Variants in TENM2 observed in about 807,000 individuals in gnomAD.
TENM2 encodes teneurin transmembrane protein 2.
Under a neutral mutation model 245.2 loss-of-function variants are expected in TENM2, and 52 were observed. The observed-to-expected ratio is 0.21, with a 90% CI of 0.17 to 0.27. The LOEUF is 0.27. Ranked by LOEUF, TENM2 falls within the 10% of genes least tolerant of loss-of-function variation. TENM2 has a pLI of 1.00. For missense variants in TENM2, 3,046 were observed against 3,666.8 expected, an observed-to-expected ratio of 0.83 and a Z score of 4.37; for synonymous variants, 1,363 against 1,438.9, an observed-to-expected ratio of 0.95 and a Z score of 1.19.
chr5:167,094,152 A>G, the TENM2 span, among the ~76,000 whole-genome samples: 1 of 152,190 alleles, frequency 6.6e-6, no homozygotes, highest in African/African-American at 2.4e-5. Context: ...CTATGTGGAG[A>G]CTTTTATTTT....
intron 2 of TENM2, among the ~76,000 whole-genome samples, chr5:167,867,844 G>C (rs960994416): frequency 6.6e-6 from 1 of 152,138 alleles, no homozygotes; most frequent in Non-Finnish European, 1.5e-5. Context: ...CTGGGGAAAA[G>C]CATGCTGAAA....
At chr5:168,196,449 T>C (rs1761434866) in intron 15 of TENM2, among the ~76,000 whole-genome samples, 1 of 152,052 alleles carries the variant, frequency 6.6e-6, no homozygotes, top group Non-Finnish European at 1.5e-5. Context: ...TAGAAGCCGG[T>C]GGGGTTTTTT....
chr5:167,434,986 T>A (rs1285324215), intron 2 of TENM2, among the ~76,000 whole-genome samples: 1 of 152,208 alleles, frequency 6.6e-6, no homozygotes, highest in African/African-American at 2.4e-5. Flanking sequence ...ATAGAACCAC[T>A]TGACTGGAGA....
At chr5:167,521,480 T>A (rs963074793) in intron 2 of TENM2, among the ~76,000 whole-genome samples, 4 of 152,204 alleles carry the variant, frequency 2.6e-5, no homozygotes, top group Non-Finnish European at 5.9e-5. Flanking sequence ...CCAGGAACAC[T>A]GCAGAAACAT....
intron 17 of TENM2, among the ~76,000 whole-genome samples, chr5:168,202,658 C>A (rs1762027323): frequency 6.6e-6 from 1 of 151,718 alleles, no homozygotes; most frequent in Admixed American, 6.6e-5. Context: ...TGGGGCTGGT[C>A]ATTTGGCCTT....
At chr5:168,120,753 G>A (rs1381028758) in intron 10 of TENM2, among the ~76,000 whole-genome samples, 2 of 152,208 alleles carry the variant, frequency 1.3e-5, no homozygotes, top group Non-Finnish European at 2.9e-5. Context: ...GTCTGGATCA[G>A]CACTTTTTCT....
chr5:167,599,011 T>G (rs1460107692), intron 2 of TENM2, among the ~76,000 whole-genome samples: 1 of 152,158 alleles, frequency 6.6e-6, no homozygotes, highest in Non-Finnish European at 1.5e-5. Flanking sequence ...GAAATTTTTT[T>G]AGGCATTCTT....
intron 13 of TENM2, chr5:168,187,795 T>C (rs1376711911): frequency 6.6e-6 from 1 of 152,128 alleles, no homozygotes; most frequent in Admixed American, 6.6e-5. Flanking sequence ...TAAGATACAA[T>C]CTCCAGTGCT....
chr5:167,107,250 G>A, the TENM2 span, among the ~76,000 whole-genome samples: 9 of 151,302 alleles, frequency 5.9e-5, no homozygotes, highest in Non-Finnish European at 1.0e-4. Flanking sequence ...CAACAAGAGC[G>A]AAACTTCGTG....
intron 2 of TENM2, among the ~76,000 whole-genome samples, chr5:167,812,365 G>A (rs1766705579): frequency 6.6e-6 from 1 of 152,284 alleles, no homozygotes. Context: ...GTGCAAGTTT[G>A]CCTCGTAGAC....
intron 19 of TENM2, among the ~76,000 whole-genome samples, chr5:168,207,750 C>T (rs1437936001): frequency 6.6e-6 from 1 of 152,182 alleles, no homozygotes; most frequent in South Asian, 2.1e-4. Flanking sequence ...TCTCGCTTAC[C>T]CACCCCGGAG....
At chr5:167,138,293 A>G in the TENM2 span, among the ~76,000 whole-genome samples, 18 of 152,238 alleles carry the variant, frequency 1.2e-4, no homozygotes, top group African/African-American at 4.1e-4. Context: ...GTTAAAGTGT[A>G]ATAAGAAGAT....
intron 2 of TENM2, among the ~76,000 whole-genome samples, chr5:167,455,508 A>G (rs1421183157): frequency 1.4e-5 from 2 of 139,768 alleles, no homozygotes; most frequent in Non-Finnish European, 3.1e-5. Flanking sequence ...AAAACATTTC[A>G]TTATCCATCT....
chr5:167,820,718 T>C (rs1366028926), intron 2 of TENM2, among the ~76,000 whole-genome samples: 1 of 152,190 alleles, frequency 6.6e-6, no homozygotes, highest in Non-Finnish European at 1.5e-5. Flanking sequence ...GACTGGCCCC[T>C]CAAACATAGT....
At position 168,218,613 on chromosome 5, in the gene TENM2, G is replaced by T; in HGVS notation, c.4722G>T (p.Lys1574Asn). 1 of 1,613,982 alleles carries T rather than the reference G, an allele frequency of 6.2e-7. No individual in the cohort carries two copies. The highest frequency in any genetic ancestry group is 8.5e-7 in the Non-Finnish European group (1 of 1,179,894). ...GGATCAGGGCGGTCAGCAAGAACAAGCCTGTTCTTAATGCCTTCAACCAGT... is the reference window on the plus strand; with the variant it reads ...GGATCAGGGCGGTCAGCAAGAACAATCCTGTTCTTAATGCCTTCAACCAGT... Residue 1574 changes from lysine to asparagine, a missense_variant, in exon 23 of 29, where the codon AAG (lysine) becomes AAT (asparagine). Transcript: ENST00000518659. The surrounding 1 kb of genome is among the most constrained non-coding windows in gnomAD (Gnocchi z 5.2).
chr5:167,681,909 A>G (rs548481846), intron 2 of TENM2, among the ~76,000 whole-genome samples: 3 of 151,768 alleles, frequency 2.0e-5, no homozygotes, highest in Admixed American at 6.6e-5. Context: ...CTGCCATTCT[A>G]TTATCCAGTC....
chr5:168,215,049 A>T, exon 21 of TENM2: 1 of 1,613,788 alleles, frequency 6.2e-7, no homozygotes, highest in Non-Finnish European at 8.5e-7. Flanking sequence ...GCAACAACCC[A>T]GCACACAAGT....
At chr5:167,413,996 T>C (rs553895896) in intron 2 of TENM2, among the ~76,000 whole-genome samples, 1 of 152,292 alleles carries the variant, frequency 6.6e-6, no homozygotes, top group Non-Finnish European at 1.5e-5. Flanking sequence ...ATTACAGTGC[T>C]CACAGAGATG....
the TENM2 span, among the ~76,000 whole-genome samples, chr5:167,257,528 A>T: frequency 6.6e-6 from 1 of 152,116 alleles, no homozygotes; most frequent in Non-Finnish European, 1.5e-5. Flanking sequence ...ACCAAATAAT[A>T]AGATGAACCT....
Sources: gnomAD v4.1 joint callset for allele counts (sites outside exome capture counted in the v4.1 genomes callset) on GRCh38, gnomAD v4.1.1 for gene constraint, Gnocchi (gnomAD v3.1) non-coding constraint, MANE v1.5 for transcripts, NCBI Gene and HGNC (gene_info 2026-07-23, HGNC 2026-07-21) for gene names.